Variants in FHIT observed in about 807,000 individuals in gnomAD.
FHIT encodes the protein fragile histidine triad diadenosine triphosphatase.
A neutral mutation model predicts 17.9 loss-of-function variants in FHIT; 19 were observed. The ratio of observed to expected loss-of-function variants is 1.06; its 90% CI spans 0.74 to 1.56. FHIT has a LOEUF of 1.56. Among genes scored for constraint, FHIT ranks in the 40% most tolerant of loss-of-function variants. The pLI is 0.00. For missense variants in FHIT, 248 were observed against 189.2 expected (o/e 1.31, Z -1.82); for synonymous variants, 81 against 69.7 (o/e 1.16, Z -0.81).
chr3:60,266,657 C>T (rs13060029), intron 5 of FHIT, among the ~76,000 whole-genome samples: 3 of 152,068 alleles, frequency 2.0e-5, no homozygotes, highest in South Asian at 2.1e-4. Flanking sequence ...CAGGAGATTG[C>T]GACACCCCCT....
intron 3 of FHIT, among the ~76,000 whole-genome samples, chr3:60,860,158 T>A (rs28750168): frequency 2.7e-5 from 2 of 73,056 alleles, no homozygotes; most frequent in Admixed American, 1.4e-4. Context: ...GTATATATGA[T>A]ATACATCATA....
At chr3:59,982,352 T>A (rs1198279241) in intron 7 of FHIT, among the ~76,000 whole-genome samples, 1 of 152,080 alleles carries the variant, frequency 6.6e-6, no homozygotes, top group African/African-American at 2.4e-5. Context: ...GAGATTCCAG[T>A]GTCAAGTGAA....
chr3:60,874,126 G>C (rs1245206538), intron 3 of FHIT, among the ~76,000 whole-genome samples: 1 of 152,144 alleles, frequency 6.6e-6, no homozygotes, highest in Non-Finnish European at 1.5e-5. Context: ...GAACCCCTCT[G>C]AGTCATTTCC....
chr3:60,098,560 G>A (rs1016343513), intron 5 of FHIT, among the ~76,000 whole-genome samples: 2 of 152,090 alleles, frequency 1.3e-5, no homozygotes, highest in African/African-American at 4.8e-5. Context: ...TTTTGATGGG[G>A]TTGTTTGTTT....
chr3:60,371,492 A>C (rs1216613808), intron 5 of FHIT, among the ~76,000 whole-genome samples: 1 of 152,038 alleles, frequency 6.6e-6, no homozygotes, highest in East Asian at 1.9e-4. Flanking sequence ...CAAGTAGCTG[A>C]GAATACAAGC....
chr3:60,632,153 A>G (rs1262248797), intron 4 of FHIT, among the ~76,000 whole-genome samples: 1 of 152,084 alleles, frequency 6.6e-6, no homozygotes, highest in Admixed American at 6.5e-5. Flanking sequence ...AAAATCATGA[A>G]GACAGCCACA....
chr3:60,371,845 T>TC (rs1219623314), intron 5 of FHIT, among the ~76,000 whole-genome samples: 1 of 133,618 alleles, frequency 7.5e-6, no homozygotes, highest in Non-Finnish European at 1.5e-5. Flanking sequence ...TTGTGGGGTT[T>TC]TTTTTTTTTT....
chr3:60,259,089 G>A (rs547630047), intron 5 of FHIT, among the ~76,000 whole-genome samples: 18 of 151,460 alleles, frequency 1.2e-4, no homozygotes, highest in East Asian at 1.2e-3. Context: ...ATGTGGTTCC[G>A]AAAGATTTTT....
chr3:60,334,874 A>AT (rs746069018), intron 5 of FHIT, among the ~76,000 whole-genome samples: 3 of 152,074 alleles, frequency 2.0e-5, no homozygotes, highest in South Asian at 4.2e-4. Flanking sequence ...GCCTGTGTGT[A>AT]TTTTTTTTCT....
intron 1 of FHIT, among the ~76,000 whole-genome samples, chr3:61,229,235 A>G (rs1460282850): frequency 6.6e-6 from 1 of 152,232 alleles, no homozygotes; most frequent in Non-Finnish European, 1.5e-5. Flanking sequence ...TGTTCTTACA[A>G]AAGAAAGGCA....
At chr3:61,119,027 G>A (rs1361174201) in intron 2 of FHIT, among the ~76,000 whole-genome samples, 1 of 152,118 alleles carries the variant, frequency 6.6e-6, no homozygotes. Flanking sequence ...TTGCACGGAA[G>A]AGTGGTATAG....
intron 5 of FHIT, among the ~76,000 whole-genome samples, chr3:60,297,275 A>C (rs1432657063): frequency 3.3e-5 from 5 of 152,096 alleles, no homozygotes; most frequent in Admixed American, 2.6e-4. Flanking sequence ...ACCTGTGAGA[A>C]TATGTCTCTC....
chr3:60,604,227 A>G (rs782105914), intron 4 of FHIT, among the ~76,000 whole-genome samples: 2 of 152,168 alleles, frequency 1.3e-5, no homozygotes, highest in African/African-American at 4.8e-5. Context: ...AAGAGAAAAA[A>G]CTGGCAGAAC....
At chr3:60,099,416 G>C (rs1704099943) in intron 5 of FHIT, among the ~76,000 whole-genome samples, 1 of 152,104 alleles carries the variant, frequency 6.6e-6, no homozygotes, top group Admixed American at 6.5e-5. Context: ...TCATTTCATA[G>C]ATGAGGCCCA....
chr3:60,592,755 G>A (rs1224984850), intron 4 of FHIT, among the ~76,000 whole-genome samples: 3 of 152,134 alleles, frequency 2.0e-5, no homozygotes, highest in Non-Finnish European at 4.4e-5. Flanking sequence ...CAGTTGTGCA[G>A]GCTCCCAGAA....
At chr3:60,162,360 G>C (rs1700977551) in intron 5 of FHIT, among the ~76,000 whole-genome samples, 1 of 152,170 alleles carries the variant, frequency 6.6e-6, no homozygotes, top group Non-Finnish European at 1.5e-5. Context: ...AGAAGAGGTA[G>C]AATATAGGCC....
chr3:60,458,576 C>T (rs1034246323), intron 5 of FHIT, among the ~76,000 whole-genome samples: 3 of 136,796 alleles, frequency 2.2e-5, no homozygotes, highest in Non-Finnish European at 3.1e-5. Context: ...TACCCTAAAA[C>T]TTAAAGTGTA....
intron 3 of FHIT, among the ~76,000 whole-genome samples, chr3:60,911,267 T>G (rs1484726919): frequency 6.6e-6 from 1 of 152,172 alleles, no homozygotes; most frequent in Non-Finnish European, 1.5e-5. Flanking sequence ...TCGCATTTAA[T>G]GATACCCTTT....
intron 8 of FHIT, among the ~76,000 whole-genome samples, chr3:59,895,001 C>G (rs556399714): frequency 6.6e-6 from 1 of 152,200 alleles, no homozygotes; most frequent in African/African-American, 2.4e-5. Context: ...GGAATTAGGG[C>G]AGGGGTTCTC....
Sources: gnomAD v4.1 joint callset for allele counts (sites outside exome capture counted in the v4.1 genomes callset) on GRCh38, gnomAD v4.1.1 for gene constraint, MANE v1.5 for transcripts, NCBI Gene and HGNC (gene_info 2026-07-23, HGNC 2026-07-21) for gene names.